NPAS2: variants seen among roughly 807,000 people sequenced by gnomAD.
NPAS2 encodes neuronal PAS domain protein 2.
Under a neutral mutation model 107.5 loss-of-function variants are expected in NPAS2, and 23 were observed. The ratio of observed to expected loss-of-function variants is 0.21; its 90% CI spans 0.15 to 0.30. NPAS2 has a LOEUF of 0.30. NPAS2 is among the 10% of genes least tolerant of loss of function. The probability of loss-of-function intolerance (pLI) is 1.00; values close to 1 mark genes in which losing one functional copy is unlikely to be tolerated. For synonymous variants in NPAS2, 403 were observed against 417.5 expected (o/e 0.97, Z 0.42); for missense variants, 756 against 1,043.3 (o/e 0.72, Z 3.79).
At chr2:100,974,781 C>T (rs762975897) in intron 12 of NPAS2, 22 bp from the exon 13 acceptor site, 2 of 1,610,676 alleles carry the variant, frequency 1.2e-6, no homozygotes, top group South Asian at 1.1e-5. Flanking sequence ...GACATGAGGA[C>T]TGTTTGATGT....
At chr2:100,877,955 A>G in intron 1 of NPAS2, 1 of 985,230 alleles carries the variant, frequency 1.0e-6, no homozygotes. Context: ...CACTACATAA[A>G]AAGTGCTGGA....
chr2:100,885,287 C>T (rs999285269), intron 1 of NPAS2, among the ~76,000 whole-genome samples: 2 of 152,164 alleles, frequency 1.3e-5, no homozygotes, highest in African/African-American at 4.8e-5. Flanking sequence ...GAATGAATTG[C>T]AATGAATATG....
At chr2:100,898,400 G>T (rs1028736728) in intron 1 of NPAS2, among the ~76,000 whole-genome samples, 5 of 152,260 alleles carry the variant, frequency 3.3e-5, no homozygotes, top group Middle Eastern at 3.4e-3. Flanking sequence ...TAAAATTTAT[G>T]TGGCTGTGCA....
intron 7 of NPAS2, among the ~76,000 whole-genome samples, chr2:100,961,905 G>A (rs1675936896): frequency 6.6e-6 from 1 of 152,212 alleles, no homozygotes; most frequent in East Asian, 1.9e-4. Flanking sequence ...GAAGGTCTTG[G>A]TATTCTGAAA....
intron 1 of NPAS2, among the ~76,000 whole-genome samples, chr2:100,830,115 T>C (rs1465264092): frequency 2.6e-5 from 4 of 152,222 alleles, no homozygotes; most frequent in African/African-American, 7.2e-5. Context: ...GTTGCATGCA[T>C]TGAGGCATCC....
chr2:100,950,514 C>T (rs1469873776), intron 7 of NPAS2, among the ~76,000 whole-genome samples: 1 of 152,166 alleles, frequency 6.6e-6, no homozygotes, highest in African/African-American at 2.4e-5. Context: ...TTAGAAACAG[C>T]CAAAGTAATG....
At chr2:100,825,240 A>G (rs563859394) in intron 1 of NPAS2, among the ~76,000 whole-genome samples, 262 of 152,250 alleles carry the variant, frequency 1.7e-3, no homozygotes, top group Non-Finnish European at 3.2e-3. Context: ...TATGAATGAT[A>G]TTTGTGCCCC....
At chr2:100,844,380 A>G (rs1488545489) in intron 1 of NPAS2, among the ~76,000 whole-genome samples, 1 of 152,146 alleles carries the variant, frequency 6.6e-6, no homozygotes, top group Non-Finnish European at 1.5e-5. Flanking sequence ...TACTTGGAAC[A>G]CCAATTTTCA....
intron 16 of NPAS2, chr2:100,983,711 C>T (rs530681656): frequency 2.0e-5 from 3 of 152,376 alleles, no homozygotes; most frequent in Admixed American, 6.5e-5. Context: ...TCGGCCTTCT[C>T]GTGAAAAGAA....
chr2:100,970,671 G>C (rs775095325), intron 11 of NPAS2: 4 of 239,668 alleles, frequency 1.7e-5, no homozygotes, highest in Non-Finnish European at 3.2e-5. Flanking sequence ...TTATCCCATA[G>C]ACGAAAATGT....
In NPAS2 at chr2:100,820,258, G is replaced by GGCGGCGGCGGCA. The variant is rs1202241283; in HGVS notation, c.-176_-165dup. 6.7e-6 allele frequency: 1 copy of GGCGGCGGCGGCA among 148,768 alleles called. No individual in the cohort carries two copies. Among genetic ancestry groups the GGCGGCGGCGGCA allele is most frequent in the Non-Finnish European group, 1.5e-5 (1 of 67,638 alleles). The allele number at this position is 148,768 out of a possible 1,614,324, so 9.2% of individuals were successfully genotyped here. A position where few individuals can be genotyped will look rare whatever the true frequency, so the allele number is the denominator to read the frequency against. On this transcript the variant is annotated 5_prime_UTR_variant, in exon 1 of 21. Coordinates refer to ENST00000335681, the MANE Select transcript of NPAS2 (RefSeq NM_002518.4). The surrounding 1 kb of genome is among the most constrained non-coding windows in gnomAD (Gnocchi z 5.6). ...GGAGACCCGCAGCCGCGGCGGCGGCGGCGGCGGCGGCAGCAGCTAGAGCAG... is the reference window on the plus strand; with the variant it reads ...GGAGACCCGCAGCCGCGGCGGCGGCGGCGGCGGCGGCAGCGGCGGCGGCAGCAGCTAGAGCAG...
intron 12 of NPAS2, among the ~76,000 whole-genome samples, chr2:100,971,583 C>T (rs1042801685): frequency 2.0e-5 from 3 of 152,210 alleles, no homozygotes; most frequent in Non-Finnish European, 4.4e-5. Flanking sequence ...GTCACCTGTG[C>T]TTTCTATTTC....
Position 100,842,081 on chromosome 2 carries a change from G to GCGCGCGCGCACACACACA in NPAS2, c.-23+21668_-23+21669insGCGCGCGCACACACACAC. 2.6e-3 allele frequency among the ~76,000 whole-genome samples: 385 copies of GCGCGCGCGCACACACACA among 148,894 alleles called. 3 individuals are homozygous for GCGCGCGCGCACACACACA. Among genetic ancestry groups the GCGCGCGCGCACACACACA allele is most frequent in the East Asian group, 7.3e-3 (37 of 5,064 alleles). On this transcript the variant is annotated intron_variant, in intron 1 of 20. Transcript: ENST00000335681. ...TTCATGCATGAGTGTGCATGTACGC[G>GCGCGCGCGCACACACACA]CACACACACACACACACACACACAC...
intron 1 of NPAS2, among the ~76,000 whole-genome samples, chr2:100,843,612 G>C (rs1019085211): frequency 1.3e-5 from 2 of 152,088 alleles, no homozygotes; most frequent in African/African-American, 4.8e-5. Context: ...TCTGACCCTT[G>C]TTTTCTGTTA....
In NPAS2 at chr2:100,968,464, G is replaced by T; in HGVS notation, c.1055+36G>T. 1 of 1,602,566 alleles carries T rather than the reference G, an allele frequency of 6.2e-7. No individual in the cohort carries two copies. The highest frequency in any genetic ancestry group is 8.5e-7 in the Non-Finnish European group (1 of 1,172,274). ...CGGGCAGGGGTGCGGCTGCGTCCTT[G>T]TCGCACCTGGGGGAGGGGTGCAGGA... is the stretch of plus-strand genomic sequence containing the variant. On this transcript the variant is annotated intron_variant, in intron 11 of 20. Coordinates refer to ENST00000335681, the MANE Select transcript of NPAS2 (RefSeq NM_002518.4). The surrounding 1 kb of genome is among the most constrained non-coding windows in gnomAD (Gnocchi z 5.3).
At chr2:100,830,396 A>T (rs1573410710) in intron 1 of NPAS2, among the ~76,000 whole-genome samples, 1 of 152,142 alleles carries the variant, frequency 6.6e-6, no homozygotes, top group East Asian at 1.9e-4. Flanking sequence ...ATATGTATAC[A>T]TGTGCCATGT....
chr2:100,910,918 G>A (rs372245589), intron 2 of NPAS2, among the ~76,000 whole-genome samples: 9 of 152,150 alleles, frequency 5.9e-5, no homozygotes, highest in East Asian at 1.9e-4. Flanking sequence ...GATGCTGCCT[G>A]GGCTATGGAA....
At chr2:100,955,947 C>A (rs1164121413) in intron 7 of NPAS2, among the ~76,000 whole-genome samples, 1 of 152,172 alleles carries the variant, frequency 6.6e-6, no homozygotes, top group Non-Finnish European at 1.5e-5. Flanking sequence ...CTCTGTCACA[C>A]AGACTGGAGT....
intron 1 of NPAS2, chr2:100,878,109 T>G: frequency 1.0e-6 from 1 of 985,324 alleles, no homozygotes; most frequent in Non-Finnish European, 1.2e-6. Context: ...CACGGAAGGT[T>G]GTTTGGCAGC....
Sources: allele counts gnomAD v4.1 joint callset (sites outside exome capture counted in the v4.1 genomes callset), GRCh38; gene constraint gnomAD v4.1.1; non-coding constraint Gnocchi (gnomAD v3.1); transcripts MANE v1.5; gene names NCBI Gene and HGNC (gene_info 2026-07-23, HGNC 2026-07-21).